The following PPP2R2C variants were observed in gnomAD, a reference collection of about 807,000 sequenced individuals.
The protein encoded by PPP2R2C is protein phosphatase 2, regulatory subunit B, gamma.
Under a neutral mutation model 45.3 loss-of-function variants are expected in PPP2R2C, and 10 were observed. That is an observed-to-expected ratio of 0.22 (90% CI 0.14 to 0.37). The LOEUF is 0.37. Among genes scored for constraint, PPP2R2C ranks in the 10% least tolerant of loss-of-function variants. PPP2R2C has a pLI of 1.00. For missense variants in PPP2R2C, 308 were observed against 619.7 expected, an observed-to-expected ratio of 0.50 and a Z score of 5.34; for synonymous variants, 257 against 245.4, an observed-to-expected ratio of 1.05 and a Z score of -0.44.
At chr4:6,449,509 G>A (rs73207820) in intron 1 of PPP2R2C, among the ~76,000 whole-genome samples, 2,902 of 152,350 alleles carry the variant, frequency 0.019, 31 homozygotes, top group Non-Finnish European at 0.031. Flanking sequence ...CCATGCTGAC[G>A]TGAGACATGC....
chr4:6,400,224 G>A (rs1717323704), intron 1 of PPP2R2C, among the ~76,000 whole-genome samples: 1 of 152,094 alleles, frequency 6.6e-6, no homozygotes, highest in Non-Finnish European at 1.5e-5. Context: ...ACCAAACAAT[G>A]TATCACAACA....
rs139127525 is a variant in PPP2R2C at position 6,502,281 on chromosome 4, G to C, written c.49+32990C>G. ...TGAGCCTAACTTGAAGTCCACAGGGGCTTTCCATATGCCGGGGAAATCCTC... is the reference window on the plus strand; with the variant it reads ...TGAGCCTAACTTGAAGTCCACAGGGCCTTTCCATATGCCGGGGAAATCCTC... On this transcript the variant is annotated intron_variant, in intron 2 of 9. Transcript: ENST00000506140. Among the ~76,000 whole-genome samples the C allele has an allele frequency of 3.6e-3, 543 of 152,310 alleles. 4 individuals are homozygous for C. The highest frequency in any genetic ancestry group is 0.012 in the African/African-American group (518 of 41,576).
chr4:6,323,068 C>G lies in PPP2R2C; in HGVS notation c.*234G>C. 3 of 434,176 alleles carry G rather than the reference C, an allele frequency of 6.9e-6. No homozygotes were observed. The highest frequency in any genetic ancestry group is 8.0e-6 in the Non-Finnish European group (2 of 250,362). 26.9% of individuals were successfully genotyped at this position (434,176 alleles called of 1,614,324 possible). On this transcript the variant is annotated 3_prime_UTR_variant, in exon 9 of 9. Transcript: ENST00000382599. ...CCATTTTATGATTTGTGGCGGTGAACGCTTCCTTTCCTTTTTATTTTTTTA... is the reference window on the plus strand; with the variant it reads ...CCATTTTATGATTTGTGGCGGTGAAGGCTTCCTTTCCTTTTTATTTTTTTA...
chr4:6,337,102 A>ATGTGTG lies in PPP2R2C; in HGVS notation c.791-3377_791-3372dup, dbSNP rs1158525075. On this transcript the variant is annotated intron_variant, in intron 6 of 8. Coordinates refer to ENST00000382599, the MANE Select transcript of PPP2R2C (RefSeq NM_020416.4). ...ATTAAATTGGCATCTTTGTTTCTGT[A>ATGTGTG]TGTGTGTGTGTATATATATATATAT... Among the ~76,000 whole-genome samples, 123 of 37,242 alleles carry ATGTGTG rather than the reference A, an allele frequency of 3.3e-3. 2 individuals are homozygous for ATGTGTG. The highest frequency in any genetic ancestry group is 0.015 in the African/African-American group (121 of 8,178). 24.4% of individuals were successfully genotyped at this position (37,242 alleles called of 152,430 possible). A position where few individuals can be genotyped will look rare whatever the true frequency, so the allele number is the denominator to read the frequency against.
chr4:6,348,159 C>T (rs1712180436), intron 5 of PPP2R2C, 149 bp from the exon 6 acceptor site: 1 of 885,296 alleles, frequency 1.1e-6, no homozygotes, highest in African/African-American at 1.7e-5. Flanking sequence ...AAATGCGTCC[C>T]CCTGAGCTGC....
At chr4:6,560,678 G>A (rs1301731174) in intron 1 of PPP2R2C, among the ~76,000 whole-genome samples, 3 of 152,236 alleles carry the variant, frequency 2.0e-5, no homozygotes, top group Admixed American at 6.5e-5. Flanking sequence ...AGCTGCACCC[G>A]CTTCACAAGT....
At chr4:6,393,887 C>A (rs1451952491) in intron 1 of PPP2R2C, among the ~76,000 whole-genome samples, 1 of 152,154 alleles carries the variant, frequency 6.6e-6, no homozygotes, top group African/African-American at 2.4e-5. Flanking sequence ...AGGATGACAC[C>A]CAGCCTGGCT....
chr4:6,560,513 G>T (rs867075433), intron 1 of PPP2R2C, among the ~76,000 whole-genome samples: 3 of 152,088 alleles, frequency 2.0e-5, no homozygotes, highest in Non-Finnish European at 2.9e-5. Context: ...TCAGTAAAAC[G>T]GAGCCAACAA....
chr4:6,409,728 C>T (rs375141148), intron 1 of PPP2R2C, among the ~76,000 whole-genome samples: 33 of 152,290 alleles, frequency 2.2e-4, no homozygotes, highest in East Asian at 1.2e-3. Context: ...GGTCGGGGTT[C>T]AGGACTCACC....
intron 1 of PPP2R2C, among the ~76,000 whole-genome samples, chr4:6,423,396 G>A (rs868653878): frequency 4.6e-5 from 7 of 152,170 alleles, no homozygotes; most frequent in Non-Finnish European, 7.3e-5. Flanking sequence ...TAGAGACGAG[G>A]TTTCACCACA....
At chr4:6,487,203 C>T (rs1722557437) in intron 2 of PPP2R2C, among the ~76,000 whole-genome samples, 1 of 151,976 alleles carries the variant, frequency 6.6e-6, no homozygotes. Flanking sequence ...AAACCTCACA[C>T]TACATGGTTA....
chr4:6,561,048 C>G (rs772381504), intron 1 of PPP2R2C, among the ~76,000 whole-genome samples: 1 of 152,206 alleles, frequency 6.6e-6, no homozygotes, highest in Non-Finnish European at 1.5e-5. Flanking sequence ...TGGCGGTGAC[C>G]GCCCTTCCCT....
intron 1 of PPP2R2C, chr4:6,384,433 T>C (rs1454831767): frequency 1.0e-6 from 1 of 984,602 alleles, no homozygotes; most frequent in East Asian, 1.1e-4. Flanking sequence ...TAATATTTCC[T>C]CCTCTTTCAA....
intron 5 of PPP2R2C, among the ~76,000 whole-genome samples, chr4:6,362,485 G>A (rs1713863328): frequency 6.6e-6 from 1 of 152,220 alleles, no homozygotes; most frequent in African/African-American, 2.4e-5. Context: ...TGACAGCCAT[G>A]CTCATAGCAA....
chr4:6,538,251 G>A (rs1040770084), intron 1 of PPP2R2C, among the ~76,000 whole-genome samples: 2 of 152,116 alleles, frequency 1.3e-5, no homozygotes, highest in Non-Finnish European at 2.9e-5. Context: ...CACAGCTGGG[G>A]CGTCAGATTT....
intron 2 of PPP2R2C, among the ~76,000 whole-genome samples, chr4:6,498,889 G>A (rs1722958568): frequency 6.6e-6 from 1 of 152,124 alleles, no homozygotes; most frequent in South Asian, 2.1e-4. Context: ...TGATCTTTTT[G>A]GTGACAGAAA....
intron 2 of PPP2R2C, among the ~76,000 whole-genome samples, chr4:6,526,032 C>T (rs995559281): frequency 3.3e-5 from 5 of 152,308 alleles, no homozygotes; most frequent in African/African-American, 9.6e-5. Flanking sequence ...GAGTCCTGAT[C>T]TTGAAATGGT....
At chr4:6,406,799 A>C (rs1219316416) in intron 1 of PPP2R2C, among the ~76,000 whole-genome samples, 1 of 152,134 alleles carries the variant, frequency 6.6e-6, no homozygotes, top group Non-Finnish European at 1.5e-5. Context: ...TAAAAAACAA[A>C]AGGTATGTCC....
intron 2 of PPP2R2C, among the ~76,000 whole-genome samples, chr4:6,488,674 A>T (rs1722603662): frequency 8.0e-6 from 1 of 125,542 alleles, no homozygotes; most frequent in Admixed American, 7.8e-5. Context: ...ACAGAGCAAA[A>T]CCCTGTCTAA....
Sources: allele counts gnomAD v4.1 joint callset (sites outside exome capture counted in the v4.1 genomes callset), GRCh38; gene constraint gnomAD v4.1.1; transcripts MANE v1.5; gene names NCBI Gene and HGNC (gene_info 2026-07-23, HGNC 2026-07-21).